The following BRINP2 variants were observed in gnomAD, a reference collection of about 807,000 sequenced individuals.
The protein encoded by BRINP2 is BMP/retinoic acid inducible neural specific 2, also known as BMP/retinoic acid-inducible neural-specific protein 2.
BRINP2 carries 21 observed loss-of-function variants against 69.2 expected under a neutral mutation model. That is an observed-to-expected ratio of 0.30 (90% CI 0.22 to 0.44). BRINP2 has a LOEUF of 0.44. Among genes scored for constraint, BRINP2 ranks in the 20% least tolerant of loss-of-function variants. The probability of loss-of-function intolerance (pLI) is 1.00; values close to 1 mark genes in which losing one functional copy is unlikely to be tolerated. For missense variants in BRINP2, 877 were observed against 986.0 expected (o/e 0.89, Z 1.48); for synonymous variants, 380 against 394.1 (o/e 0.96, Z 0.42).
chr1:177,222,925 A>G (rs774627982), intron 1 of BRINP2, among the ~76,000 whole-genome samples: 8 of 152,050 alleles, frequency 5.3e-5, no homozygotes, highest in Non-Finnish European at 1.2e-4. Context: ...ATGGAGGAGG[A>G]TGGAAATGGT....
chr1:177,237,723 T>C (rs953876225), intron 2 of BRINP2, among the ~76,000 whole-genome samples: 4 of 152,178 alleles, frequency 2.6e-5, no homozygotes, highest in African/African-American at 9.6e-5. Context: ...AAAAGAGGAT[T>C]AAATTTTGCT....
intron 2 of BRINP2, among the ~76,000 whole-genome samples, chr1:177,238,041 G>A (rs1354457824): frequency 6.6e-6 from 1 of 152,156 alleles, no homozygotes; most frequent in African/African-American, 2.4e-5. Flanking sequence ...GTGGCACAGG[G>A]TGGGGTGTTT....
chr1:177,181,430 G>C (rs901339764), intron 1 of BRINP2, among the ~76,000 whole-genome samples: 12 of 152,218 alleles, frequency 7.9e-5, no homozygotes, highest in African/African-American at 2.7e-4. Context: ...GGGCCTGCCT[G>C]TCCCTCACTC....
At chr1:177,271,094 C>T (rs1651312219) in intron 4 of BRINP2, among the ~76,000 whole-genome samples, 2 of 152,200 alleles carry the variant, frequency 1.3e-5, no homozygotes, top group South Asian at 4.1e-4. Context: ...CCTTACTGGC[C>T]ATGACTATGT....
intron 1 of BRINP2, among the ~76,000 whole-genome samples, chr1:177,221,733 C>T (rs1649537792): frequency 1.3e-5 from 2 of 152,160 alleles, no homozygotes; most frequent in Non-Finnish European, 2.9e-5. Context: ...ACCACTGGGT[C>T]AGGTAATCTC....
At chr1:177,244,470 T>G (rs1444873373) in intron 2 of BRINP2, among the ~76,000 whole-genome samples, 1 of 152,084 alleles carries the variant, frequency 6.6e-6, no homozygotes. Flanking sequence ...AGTTTAAAAA[T>G]AATTTCTTCC....
In BRINP2 at chr1:177,276,178, T is replaced by C. The variant is rs772528290; in HGVS notation, c.776-20T>C. The C allele has an allele frequency of 6.2e-7, 1 of 1,603,548 alleles. No homozygotes were observed. Among genetic ancestry groups the C allele is most frequent in the Non-Finnish European group, 8.5e-7 (1 of 1,171,924 alleles). On this transcript the variant is annotated intron_variant, in intron 5 of 7. Coordinates refer to ENST00000361539, the MANE Select transcript of BRINP2 (RefSeq NM_021165.4). ...CTCACTGGTTCTTCCCAGAGATTCCTTGACACATCCTTTCCCCAGGCCTTC... is the reference window on the plus strand; with the variant it reads ...CTCACTGGTTCTTCCCAGAGATTCCCTGACACATCCTTTCCCCAGGCCTTC...
chr1:177,177,191 G>T (rs1191744555), intron 1 of BRINP2, among the ~76,000 whole-genome samples: 1 of 151,958 alleles, frequency 6.6e-6, no homozygotes, highest in African/African-American at 2.4e-5. Context: ...TGAGGCAGGA[G>T]AATCGCTTGA....
intron 1 of BRINP2, among the ~76,000 whole-genome samples, chr1:177,183,154 T>TG: frequency 6.9e-6 from 1 of 145,450 alleles, no homozygotes; most frequent in African/African-American, 2.5e-5. Context: ...TTTTTTTTTT[T>TG]TTTTTTTTCT....
intron 1 of BRINP2, among the ~76,000 whole-genome samples, chr1:177,207,999 T>G (rs937353257): frequency 1.3e-5 from 2 of 152,170 alleles, no homozygotes; most frequent in Non-Finnish European, 2.9e-5. Context: ...TTGAGGGGTG[T>G]AGAACCTGGT....
intron 1 of BRINP2, among the ~76,000 whole-genome samples, chr1:177,228,195 A>G (rs947429919): frequency 6.6e-6 from 1 of 152,236 alleles, no homozygotes; most frequent in Non-Finnish European, 1.5e-5. Context: ...GAGGTGGTCA[A>G]TATCCACCAG....
intron 1 of BRINP2, among the ~76,000 whole-genome samples, chr1:177,223,380 G>A (rs1159889476): frequency 6.6e-6 from 1 of 152,148 alleles, no homozygotes; most frequent in African/African-American, 2.4e-5. Flanking sequence ...GCTCATTACA[G>A]GATCCTAAGT....
chr1:177,193,478 G>A (rs1160787878), intron 1 of BRINP2, among the ~76,000 whole-genome samples: 1 of 152,148 alleles, frequency 6.6e-6, no homozygotes, highest in Non-Finnish European at 1.5e-5. Flanking sequence ...GAATTATAGG[G>A]GATGTGGCCA....
intron 4 of BRINP2, 56 bp from the exon 5 acceptor site, chr1:177,273,432 A>G (rs924883765): frequency 1.2e-5 from 15 of 1,209,548 alleles, no homozygotes; most frequent in Non-Finnish European, 1.6e-5. Context: ...GAAGGGAAGT[A>G]TAAAGGGAGT....
intron 4 of BRINP2, among the ~76,000 whole-genome samples, chr1:177,268,242 T>A (rs1298515078): frequency 1.3e-5 from 2 of 152,192 alleles, no homozygotes; most frequent in East Asian, 3.9e-4. Context: ...ACACATTTAG[T>A]ACTTACAGAT....
At chr1:177,215,817 C>G (rs1029397332) in intron 1 of BRINP2, among the ~76,000 whole-genome samples, 2 of 152,054 alleles carry the variant, frequency 1.3e-5, no homozygotes, top group Non-Finnish European at 2.9e-5. Flanking sequence ...TATTTAGTGG[C>G]TCCACTGTGG....
At chr1:177,189,493 A>C (rs1335014832) in intron 1 of BRINP2, among the ~76,000 whole-genome samples, 2 of 152,188 alleles carry the variant, frequency 1.3e-5, no homozygotes, top group Non-Finnish European at 2.9e-5. Flanking sequence ...GACCATAGCC[A>C]ACGATGGCAA....
chr1:177,208,231 A>C (rs1464135156), intron 1 of BRINP2, among the ~76,000 whole-genome samples: 2 of 152,194 alleles, frequency 1.3e-5, no homozygotes, highest in Non-Finnish European at 2.9e-5. Flanking sequence ...AGCCACAGGT[A>C]CTAAGATGCC....
At chr1:177,232,474 T>C (rs1312305598) in intron 2 of BRINP2, among the ~76,000 whole-genome samples, 1 of 152,200 alleles carries the variant, frequency 6.6e-6, no homozygotes. Flanking sequence ...GACAGGAGTG[T>C]AGTATTCTGA....
Sources: allele counts gnomAD v4.1 joint callset (sites outside exome capture counted in the v4.1 genomes callset), GRCh38; gene constraint gnomAD v4.1.1; transcripts MANE v1.5; gene names NCBI Gene and HGNC (gene_info 2026-07-23, HGNC 2026-07-21).